Variants in NTN4 observed in about 807,000 individuals in gnomAD.
The protein encoded by NTN4 is netrin-4.
Under a neutral mutation model 73.6 loss-of-function variants are expected in NTN4, and 32 were observed. That is an observed-to-expected ratio of 0.44 (90% CI 0.33 to 0.58). NTN4 has a LOEUF of 0.58. NTN4 is among the 20% of genes least tolerant of loss of function. NTN4 has a pLI of 0.04. For synonymous variants in NTN4, 258 were observed against 287.5 expected, an observed-to-expected ratio of 0.90 and a Z score of 1.04; for missense variants, 654 against 798.3, an observed-to-expected ratio of 0.82 and a Z score of 2.18.
intron 2 of NTN4, among the ~76,000 whole-genome samples, chr12:95,757,645 A>G (rs764259475): frequency 4.6e-5 from 7 of 151,894 alleles, no homozygotes; most frequent in Middle Eastern, 6.3e-3. Flanking sequence ...TTTGGGGGCC[A>G]TCTATGGTTA....
chr12:95,728,848 C>T (rs1203229138), intron 3 of NTN4, among the ~76,000 whole-genome samples: 2 of 152,148 alleles, frequency 1.3e-5, no homozygotes, highest in African/African-American at 4.8e-5. Flanking sequence ...TGGTTTAGCA[C>T]CATTCCCCTT....
intron 2 of NTN4, among the ~76,000 whole-genome samples, chr12:95,749,517 C>T (rs2078888193): frequency 6.6e-6 from 1 of 152,304 alleles, no homozygotes; most frequent in African/African-American, 2.4e-5. Context: ...TCTCTCCCTT[C>T]TCTTAATTTC....
chr12:95,691,652 C>T (rs1429805846), intron 5 of NTN4, among the ~76,000 whole-genome samples: 2 of 152,218 alleles, frequency 1.3e-5, no homozygotes, highest in African/African-American at 2.4e-5. Context: ...GCCTCAGCCT[C>T]CCAAAGTGTT....
chr12:95,748,912 C>T (rs1247856196), intron 2 of NTN4, among the ~76,000 whole-genome samples: 1 of 152,204 alleles, frequency 6.6e-6, no homozygotes, highest in Non-Finnish European at 1.5e-5. Context: ...GTGACTTGCA[C>T]ATATACGCCC....
intron 2 of NTN4, among the ~76,000 whole-genome samples, chr12:95,741,239 C>T (rs1457364394): frequency 1.3e-5 from 2 of 150,454 alleles, no homozygotes; most frequent in African/African-American, 4.9e-5. Context: ...GTACTGAACC[C>T]ATAGAGACTA....
intron 7 of NTN4, among the ~76,000 whole-genome samples, chr12:95,678,756 C>T (rs755748576): frequency 1.1e-4 from 17 of 151,670 alleles, no homozygotes; most frequent in South Asian, 2.1e-4. Flanking sequence ...TCAGCAAAGT[C>T]GCTGGATACA....
intron 9 of NTN4, among the ~76,000 whole-genome samples, chr12:95,662,257 G>GTCTC (rs1372707042): frequency 7.3e-6 from 1 of 137,200 alleles, no homozygotes; most frequent in East Asian, 2.1e-4. Flanking sequence ...TTTTGACAGG[G>GTCTC]TCTCACTCTG....
At chr12:95,687,352 C>T (rs565226819) in intron 5 of NTN4, among the ~76,000 whole-genome samples, 77 of 151,896 alleles carry the variant, frequency 5.1e-4, no homozygotes, top group Non-Finnish European at 9.1e-4. Flanking sequence ...CTGTTTGAGA[C>T]ATTCCATGTA....
intron 5 of NTN4, among the ~76,000 whole-genome samples, chr12:95,700,788 TC>T (rs1213051404): frequency 6.6e-6 from 1 of 150,482 alleles, no homozygotes; most frequent in Non-Finnish European, 1.5e-5. Flanking sequence ...TTTCTTTTCT[TC>T]CCTTTCTTTT....
intron 8 of NTN4, among the ~76,000 whole-genome samples, chr12:95,666,287 T>A (rs1354655030): frequency 6.6e-6 from 1 of 152,082 alleles, no homozygotes; most frequent in Non-Finnish European, 1.5e-5. Flanking sequence ...AGAGAGGGGA[T>A]AAGGGATAAA....
chr12:95,776,614 A>G (rs192474151), intron 2 of NTN4, among the ~76,000 whole-genome samples: 1 of 152,330 alleles, frequency 6.6e-6, no homozygotes, highest in African/African-American at 2.4e-5. Flanking sequence ...TTAGAGAAAA[A>G]GGAATTAAAA....
At chr12:95,748,643 G>C (rs1241301630) in intron 2 of NTN4, among the ~76,000 whole-genome samples, 1 of 151,990 alleles carries the variant, frequency 6.6e-6, no homozygotes, top group African/African-American at 2.4e-5. Flanking sequence ...GCTAAGTTTT[G>C]TATTTTTAGT....
intron 2 of NTN4, among the ~76,000 whole-genome samples, chr12:95,744,642 T>C (rs891542335): frequency 6.6e-6 from 1 of 152,224 alleles, no homozygotes; most frequent in African/African-American, 2.4e-5. Context: ...ACACTGTTAA[T>C]ACCTTGGCTT....
intron 2 of NTN4, among the ~76,000 whole-genome samples, chr12:95,758,025 AT>A (rs1386711253): frequency 1.3e-5 from 2 of 152,236 alleles, no homozygotes; most frequent in East Asian, 3.8e-4. Flanking sequence ...GATTCTGGCT[AT>A]TATGAATAAA....
In NTN4 at chr12:95,710,583, A is replaced by C; in HGVS notation, c.1038T>G (p.Asn346Lys). ...TACGATTCCCTGATGCCTCCCACACATTAACGTCGAAGTGACAGGTATCAG... is the reference window on the plus strand; with the variant it reads ...TACGATTCCCTGATGCCTCCCACACCTTAACGTCGAAGTGACAGGTATCAG... ...GHADTCHFDV[N>K]VWEASGNRSG... Residue 346 changes from asparagine (N) to lysine (K), a missense_variant, in exon 5 of 10, where the codon AAT becomes AAG. Coordinates refer to ENST00000343702, the MANE Select transcript of NTN4 (RefSeq NM_021229.4). 1 of 1,614,190 alleles carries C rather than the reference A, an allele frequency of 6.2e-7. No homozygotes were observed. The highest frequency in any genetic ancestry group is 8.5e-7 in the Non-Finnish European group (1 of 1,180,008).
At chr12:95,716,691 G>A (rs1161144914) in intron 3 of NTN4, among the ~76,000 whole-genome samples, 3 of 151,964 alleles carry the variant, frequency 2.0e-5, no homozygotes, top group Non-Finnish European at 4.4e-5. Context: ...TGTATTTTCT[G>A]AAAATATTCA....
chr12:95,665,630 G>A, intron 9 of NTN4, 180 bp downstream of exon 9: 2 of 492,498 alleles, frequency 4.1e-6, no homozygotes, highest in Admixed American at 3.8e-5. Context: ...GCACATGGAA[G>A]AGAAATAATT....
chr12:95,787,225 C>A lies in NTN4; in HGVS notation c.299G>T (p.Arg100Leu). 1 of 1,614,140 alleles carries A rather than the reference C, an allele frequency of 6.2e-7. No homozygotes were observed. Among genetic ancestry groups the A allele is most frequent in the Non-Finnish European group, 8.5e-7 (1 of 1,180,040 alleles). The change falls in exon 2 of 10, where the codon CGG (arginine) becomes CTG (leucine). Residue 100 changes from arginine (R) to leucine (L), a missense_variant. Transcript: ENST00000343702. ...AGACTGCCACCATGTGCGAGGAAAC[C>A]GGAAGGATGAGTCTGCCATGGCAGA... is the stretch of plus-strand genomic sequence containing the variant. Reference protein sequence around the residue: ...LPSAMADSSFRFPRTWWQSAE... With the variant: ...LPSAMADSSFLFPRTWWQSAE...
chr12:95,739,535 G>A (rs186260940), intron 2 of NTN4, among the ~76,000 whole-genome samples: 5 of 152,220 alleles, frequency 3.3e-5, no homozygotes, highest in South Asian at 4.2e-4. Context: ...TTTCTGTTTC[G>A]AAGCATTTTT....
Sources: gnomAD v4.1 joint callset for allele counts (sites outside exome capture counted in the v4.1 genomes callset) on GRCh38, gnomAD v4.1.1 for gene constraint, MANE v1.5 for transcripts, NCBI Gene and HGNC (gene_info 2026-07-23, HGNC 2026-07-21) for gene names.